DCLK1: variants seen among roughly 807,000 people sequenced by gnomAD.
DCLK1 encodes serine/threonine-protein kinase DCLK1.
DCLK1 carries 16 observed loss-of-function variants against 86.2 expected under a neutral mutation model. The observed-to-expected ratio is 0.19, with a 90% CI of 0.13 to 0.28. DCLK1 has a LOEUF of 0.28. DCLK1 is among the 10% of genes least tolerant of loss of function. DCLK1 has a pLI of 1.00. For synonymous variants in DCLK1, 369 were observed against 370.5 expected (o/e 1.00, Z 0.05); for missense variants, 590 against 940.2 (o/e 0.63, Z 4.87).
rs138358983 is a variant in DCLK1, at chr13:35,779,020, A to G, written c.2059-4321T>C. Among the ~76,000 whole-genome samples, 407 of 151,992 alleles carry G rather than the reference A, an allele frequency of 2.7e-3. 2 individuals carry two copies. Among genetic ancestry groups the G allele is most frequent in the African/African-American group, 9.5e-3 (395 of 41,446 alleles). ...TCTGCCCACTCAAATTTATTTATTT[A>G]TTTATTTTTATTTTCTCGGAGTCTC... On this transcript the variant is annotated intron_variant, in intron 16 of 16. Coordinates refer to ENST00000360631, the MANE Select transcript of DCLK1 (RefSeq NM_001330071.2).
intron 1 of DCLK1, among the ~76,000 whole-genome samples, chr13:36,129,116 T>C (rs368211360): frequency 1.3e-5 from 2 of 152,208 alleles, no homozygotes; most frequent in South Asian, 2.1e-4. Flanking sequence ...TCCTTCCAAA[T>C]TGATATAAAC....
chr13:35,855,767 A>T (rs1871016095), intron 5 of DCLK1: 1 of 1,285,870 alleles, frequency 7.8e-7, no homozygotes. Flanking sequence ...AAAGGTGTCA[A>T]TTAAGCCTCT....
At chr13:36,090,973 C>T (rs1884803843) in intron 3 of DCLK1, among the ~76,000 whole-genome samples, 1 of 152,336 alleles carries the variant, frequency 6.6e-6, no homozygotes, top group East Asian at 1.9e-4. Flanking sequence ...AAAATGCTGG[C>T]TGCATAAACA....
chr13:35,950,291 C>T (rs2153134013), intron 3 of DCLK1, among the ~76,000 whole-genome samples: 2 of 152,320 alleles, frequency 1.3e-5, no homozygotes, highest in South Asian at 4.1e-4. Context: ...TCCACGCGCT[C>T]ATGCATTATC....
At chr13:36,116,009 G>A (rs2138198263) in intron 2 of DCLK1, among the ~76,000 whole-genome samples, 1 of 151,594 alleles carries the variant, frequency 6.6e-6, no homozygotes, top group South Asian at 2.1e-4. Context: ...GAGTGCAGTG[G>A]TGTGATCTCA....
chr13:36,110,136 C>G (rs768307643), intron 3 of DCLK1, among the ~76,000 whole-genome samples: 1 of 152,020 alleles, frequency 6.6e-6, no homozygotes, highest in Non-Finnish European at 1.5e-5. Flanking sequence ...GATGAACTCC[C>G]ATCTTGAGAA....
At chr13:35,956,975 A>G (rs1299526302) in intron 3 of DCLK1, among the ~76,000 whole-genome samples, 2 of 152,152 alleles carry the variant, frequency 1.3e-5, no homozygotes, top group Non-Finnish European at 2.9e-5. Context: ...ATACCTTCAA[A>G]AAAGATTTTC....
At chr13:36,123,421 C>G (rs1245352088) in intron 2 of DCLK1, among the ~76,000 whole-genome samples, 1 of 152,178 alleles carries the variant, frequency 6.6e-6, no homozygotes, top group African/African-American at 2.4e-5. Context: ...ACCAAAGTTA[C>G]CATTCATTCA....
chr13:35,837,831 C>A (rs945422516), intron 7 of DCLK1, among the ~76,000 whole-genome samples: 1 of 151,830 alleles, frequency 6.6e-6, no homozygotes, highest in Non-Finnish European at 1.5e-5. Flanking sequence ...TTTGGGAGGC[C>A]GAGGCAGTTG....
chr13:35,808,956 T>C, intron 13 of DCLK1, 62 bp downstream of exon 13: 2 of 1,457,630 alleles, frequency 1.4e-6, no homozygotes, highest in Non-Finnish European at 9.5e-7. Flanking sequence ...GAAGGGCTAA[T>C]GGATCACTCA....
intron 10 of DCLK1, among the ~76,000 whole-genome samples, chr13:35,825,317 T>C (rs2087493492): frequency 6.6e-6 from 1 of 152,154 alleles, no homozygotes; most frequent in South Asian, 2.1e-4. Flanking sequence ...CAGGGCGTTC[T>C]GGGTGAGATT....
At chr13:36,007,395 G>C (rs1001111594) in intron 3 of DCLK1, among the ~76,000 whole-genome samples, 1 of 152,216 alleles carries the variant, frequency 6.6e-6, no homozygotes, top group Non-Finnish European at 1.5e-5. Flanking sequence ...ACACAAATGT[G>C]AATATAGAAT....
intron 3 of DCLK1, among the ~76,000 whole-genome samples, chr13:35,958,279 T>TTACTGCTATAACCACCACCACCACCAC (rs1593768854): frequency 3.6e-4 from 3 of 8,262 alleles, no homozygotes; most frequent in South Asian, 4.3e-3. Context: ...ATTACCACCA[T>TTACTGCTATAACCACCACCACCACCAC]CACTGCCACT....
rs567503777 is a variant in DCLK1 at position 35,977,508 on chromosome 13, A to G, written c.724-30051T>C. Among the ~76,000 whole-genome samples, 20 of 152,354 alleles carry G rather than the reference A, an allele frequency of 1.3e-4. No homozygotes were observed. In the East Asian group the frequency reaches 3.3e-3, roughly 25 times the overall value. ...AAGCACATGGTTCTCCATTGCCCCA[A>G]TATTAGGTATTTGCTAATTAAAGTA... On this transcript the variant is annotated intron_variant, in intron 3 of 16. Transcript: ENST00000360631.
intron 3 of DCLK1, among the ~76,000 whole-genome samples, chr13:35,988,304 G>A (rs866474965): frequency 7.2e-5 from 11 of 152,332 alleles, no homozygotes; most frequent in Middle Eastern, 3.4e-3. Flanking sequence ...TGGCGACACC[G>A]CGGCCTGATG....
intron 15 of DCLK1, among the ~76,000 whole-genome samples, chr13:35,794,888 G>C (rs576570277): frequency 6.6e-6 from 1 of 152,282 alleles, no homozygotes; most frequent in East Asian, 1.9e-4. Flanking sequence ...AACAGAAGCA[G>C]GGCCACATGA....
At chr13:35,950,632 C>T (rs1263009887) in intron 3 of DCLK1, among the ~76,000 whole-genome samples, 1 of 152,184 alleles carries the variant, frequency 6.6e-6, no homozygotes, top group Non-Finnish European at 1.5e-5. Flanking sequence ...GGCCTCTCTG[C>T]CATGAATTCA....
intron 11 of DCLK1, among the ~76,000 whole-genome samples, chr13:35,822,138 C>G (rs1367571475): frequency 1.3e-5 from 2 of 150,808 alleles, no homozygotes; most frequent in African/African-American, 4.9e-5. Flanking sequence ...TTTTACTTTT[C>G]TTTTCTTTCT....
intron 2 of DCLK1, among the ~76,000 whole-genome samples, chr13:36,119,024 CA>C (rs1207815241): frequency 2.0e-5 from 3 of 152,158 alleles, no homozygotes; most frequent in African/African-American, 7.2e-5. Context: ...AATACCTTTA[CA>C]TGTGAATTTT....
Sources: gnomAD v4.1 joint callset for allele counts (sites outside exome capture counted in the v4.1 genomes callset) on GRCh38, gnomAD v4.1.1 for gene constraint, MANE v1.5 for transcripts, NCBI Gene and HGNC (gene_info 2026-07-23, HGNC 2026-07-21) for gene names.